Variants in OSBPL10 observed in about 807,000 individuals in gnomAD.
OSBPL10 encodes the protein oxysterol binding protein like 10.
Under a neutral mutation model 81.7 loss-of-function variants are expected in OSBPL10, and 49 were observed. The observed-to-expected ratio is 0.60, with a 90% CI of 0.48 to 0.76. The LOEUF is 0.76. Ranked by LOEUF, OSBPL10 falls within the 30% of genes least tolerant of loss-of-function variation. The pLI is 0.00. For missense variants in OSBPL10, 923 were observed against 987.8 expected, an observed-to-expected ratio of 0.93 and a Z score of 0.88; for synonymous variants, 419 against 383.6, an observed-to-expected ratio of 1.09 and a Z score of -1.08.
At chr3:31,751,735 T>C (rs914143278) in intron 4 of OSBPL10, among the ~76,000 whole-genome samples, 3 of 152,218 alleles carry the variant, frequency 2.0e-5, no homozygotes, top group Non-Finnish European at 2.9e-5. Flanking sequence ...TGGCACACAG[T>C]AGACACCTCC....
chr3:31,926,851 T>G (rs1196417049), intron 1 of OSBPL10, among the ~76,000 whole-genome samples: 1 of 152,208 alleles, frequency 6.6e-6, no homozygotes, highest in Non-Finnish European at 1.5e-5. Flanking sequence ...GGCTCATGCC[T>G]GTAATCCCAA....
intron 1 of OSBPL10, among the ~76,000 whole-genome samples, chr3:31,924,765 A>G (rs757349931): frequency 3.3e-5 from 5 of 152,158 alleles, no homozygotes; most frequent in Non-Finnish European, 5.9e-5. Flanking sequence ...CTGTTGTACC[A>G]CTAAGGCAGC....
rs763455704 is a variant in OSBPL10 at position 31,830,134 on chromosome 3, G to GC, written c.634dup (p.Ala212GlyfsTer49). The GC allele has an allele frequency of 2.5e-6, 4 of 1,614,096 alleles. No individual in the cohort carries two copies. The highest frequency in any genetic ancestry group is 2.5e-6 in the Non-Finnish European group (3 of 1,179,994). ...ATGCGTGATTGTGACAACACCGGGG[G>GC]CCCCCACACTGAGGTGTCTCTGGCT... On this transcript the variant is annotated frameshift_variant, in exon 4 of 12. Coordinates refer to ENST00000396556, the MANE Select transcript of OSBPL10 (RefSeq NM_017784.5). LOFTEE classifies it high-confidence loss of function.
upstream of OSBPL10, among the ~76,000 whole-genome samples, chr3:31,985,909 G>A (rs1241175283): frequency 2.0e-5 from 3 of 152,196 alleles, no homozygotes; most frequent in Non-Finnish European, 2.9e-5. Context: ...ACAGGCAGAG[G>A]AAACTGAATT....
intron 1 of OSBPL10, among the ~76,000 whole-genome samples, chr3:31,918,499 A>AATTT (rs1696820184): frequency 1.5e-5 from 2 of 130,024 alleles, no homozygotes; most frequent in South Asian, 4.7e-4. Context: ...TTTGTGTCTA[A>AATTT]AGAGTTTGGA....
intron 1 of OSBPL10, among the ~76,000 whole-genome samples, chr3:31,942,239 G>C (rs1434920933): frequency 6.6e-6 from 1 of 151,906 alleles, no homozygotes; most frequent in African/African-American, 2.4e-5. Flanking sequence ...GGCGCCACAA[G>C]AATGCAATGT....
At chr3:31,968,988 G>C (rs533703978) in intron 1 of OSBPL10, among the ~76,000 whole-genome samples, 1 of 152,260 alleles carries the variant, frequency 6.6e-6, no homozygotes, top group East Asian at 1.9e-4. Flanking sequence ...ATGGGTTTTT[G>C]TTCTGTTAAA....
rs1199745655 is a variant in OSBPL10 at position 32,066,174 on chromosome 3, AAGGAAGG to A, written n.185+11215_185+11221del. On this transcript the variant is annotated intron_variant and non_coding_transcript_variant, in intron 1 of 3. Coordinates refer to the OSBPL10 transcript ENST00000479173. The stretch of plus-strand genomic sequence containing the variant: ...GAAGAAAGGAAGAAAGGAAGGAAGG[AAGGAAGG>A]AAGGAAGGAAGGAAGGAAGGAAGGA... Among the ~76,000 whole-genome samples the A allele has an allele frequency of 7.8e-4, 21 of 26,822 alleles. 5 individuals carry two copies. Among genetic ancestry groups the A allele is most frequent in the African/African-American group, 1.3e-3 (19 of 14,222 alleles). 17.6% of individuals were successfully genotyped at this position (26,822 alleles called of 152,430 possible). A position where few individuals can be genotyped will look rare whatever the true frequency, so the allele number is the denominator to read the frequency against.
At chr3:31,777,250 G>T (rs1296631450) in intron 4 of OSBPL10, among the ~76,000 whole-genome samples, 2 of 152,162 alleles carry the variant, frequency 1.3e-5, no homozygotes, top group Non-Finnish European at 2.9e-5. Context: ...ATAATGAACA[G>T]CAGTGACTAA....
At chr3:31,854,742 A>G (rs1700865406) in intron 3 of OSBPL10, among the ~76,000 whole-genome samples, 1 of 152,124 alleles carries the variant, frequency 6.6e-6, no homozygotes, top group Admixed American at 6.5e-5. Flanking sequence ...CTCCTTCCCC[A>G]CTTTAAAATA....
chr3:32,045,182 C>T (rs1699610904), intron 2 of OSBPL10, among the ~76,000 whole-genome samples: 1 of 152,146 alleles, frequency 6.6e-6, no homozygotes, highest in African/African-American at 2.4e-5. Context: ...GCATAGATTG[C>T]TTTTCCAAAG....
At chr3:32,068,662 G>T (rs1397429178) in intron 1 of OSBPL10, among the ~76,000 whole-genome samples, 2 of 152,030 alleles carry the variant, frequency 1.3e-5, no homozygotes, top group Non-Finnish European at 2.9e-5. Flanking sequence ...CATCCTACGA[G>T]ACCTAGATCA....
intron 1 of OSBPL10, among the ~76,000 whole-genome samples, chr3:31,892,591 C>G (rs1259330269): frequency 1.3e-5 from 2 of 152,294 alleles, no homozygotes; most frequent in East Asian, 3.9e-4. Context: ...ACAGTAGAAA[C>G]TGACCAAACT....
intron 3 of OSBPL10, among the ~76,000 whole-genome samples, chr3:31,855,358 C>A (rs1361811348): frequency 2.0e-5 from 3 of 152,206 alleles, no homozygotes; most frequent in Non-Finnish European, 4.4e-5. Context: ...ATCTGGAACA[C>A]TTCCATACCC....
At chr3:31,715,333 T>A (rs1459837832) in intron 6 of OSBPL10, among the ~76,000 whole-genome samples, 2 of 152,176 alleles carry the variant, frequency 1.3e-5, no homozygotes, top group African/African-American at 2.4e-5. Flanking sequence ...AGAGTGGTGC[T>A]CTAACTTTTG....
chr3:31,843,476 C>G (rs556826237), intron 3 of OSBPL10, among the ~76,000 whole-genome samples: 1 of 152,328 alleles, frequency 6.6e-6, no homozygotes, highest in African/African-American at 2.4e-5. Context: ...TTCTACTCTT[C>G]CGGGATGACA....
intron 3 of OSBPL10, among the ~76,000 whole-genome samples, chr3:31,851,658 A>C (rs1700769301): frequency 6.6e-6 from 1 of 152,198 alleles, no homozygotes; most frequent in Non-Finnish European, 1.5e-5. Flanking sequence ...AGCACAGGGG[A>C]ATAAAATTTC....
chr3:31,738,777 G>A (rs1235948976), intron 5 of OSBPL10, among the ~76,000 whole-genome samples: 1 of 152,148 alleles, frequency 6.6e-6, no homozygotes, highest in Non-Finnish European at 1.5e-5. Flanking sequence ...TATGCACCAT[G>A]TGCCCTCTCA....
intron 6 of OSBPL10, among the ~76,000 whole-genome samples, chr3:31,720,410 G>C (rs1180519112): frequency 1.3e-5 from 2 of 152,186 alleles, no homozygotes; most frequent in African/African-American, 2.4e-5. Flanking sequence ...AGGCTTCACT[G>C]TGTATAAAAA....
Sources: gnomAD v4.1 joint callset for allele counts (sites outside exome capture counted in the v4.1 genomes callset) on GRCh38, gnomAD v4.1.1 for gene constraint, MANE v1.5 for transcripts, NCBI Gene and HGNC (gene_info 2026-07-23, HGNC 2026-07-21) for gene names.